EML6: variants seen among roughly 807,000 people sequenced by gnomAD.
The protein encoded by EML6 is EMAP like 6.
A neutral mutation model predicts 240.1 loss-of-function variants in EML6; 154 were observed. The ratio of observed to expected loss-of-function variants is 0.64; its 90% CI spans 0.56 to 0.73. The LOEUF (loss-of-function observed/expected upper bound fraction) is 0.73, where lower values mean the gene tolerates loss of function less well. Among genes scored for constraint, EML6 ranks in the 30% least tolerant of loss-of-function variants. The probability of loss-of-function intolerance (pLI) is 0.00; values close to 1 mark genes in which losing one functional copy is unlikely to be tolerated. For missense variants in EML6, 2,964 were observed against 2,474.6 expected (o/e 1.20, Z -4.20); for synonymous variants, 1,148 against 899.0 (o/e 1.28, Z -4.95).
chr2:54,911,694 C>T (rs1673650321), intron 25 of EML6, among the ~76,000 whole-genome samples: 1 of 152,180 alleles, frequency 6.6e-6, no homozygotes. Flanking sequence ...ACGTCAGCCT[C>T]CCAAAGTGCT....
At chr2:54,828,522 C>T (rs1044603311) in intron 6 of EML6, among the ~76,000 whole-genome samples, 1 of 152,208 alleles carries the variant, frequency 6.6e-6, no homozygotes, top group African/African-American at 2.4e-5. Context: ...AATTGATTCC[C>T]TATACCCTTA....
intron 2 of EML6, among the ~76,000 whole-genome samples, chr2:54,802,302 T>A (rs894794000): frequency 6.6e-5 from 10 of 151,652 alleles, no homozygotes; most frequent in African/African-American, 2.4e-4. Context: ...ACCTCGTACT[T>A]CTAAGAGTTT....
At chr2:54,837,094 C>T (rs545359665) in intron 7 of EML6, among the ~76,000 whole-genome samples, 1 of 152,176 alleles carries the variant, frequency 6.6e-6, no homozygotes, top group Non-Finnish European at 1.5e-5. Flanking sequence ...TCCTCTCTCT[C>T]TTGTTCTTAT....
intron 2 of EML6, among the ~76,000 whole-genome samples, chr2:54,778,451 T>C (rs1385720287): frequency 6.6e-6 from 1 of 152,148 alleles, no homozygotes; most frequent in African/African-American, 2.4e-5. Context: ...ATTCTGACCC[T>C]CAAAAGTCAG....
rs1669102185 is a variant in EML6 at position 54,786,556 on chromosome 2, C to T, written c.198-26676C>T. On this transcript the variant is annotated intron_variant, in intron 2 of 41. Coordinates refer to ENST00000356458, the MANE Select transcript of EML6 (RefSeq NM_001039753.4). ...TGTGGTGAAGGAAGAATCTCCTGTA[C>T]CCTTTCAGGGGACATAGCGGTATAG... Among the ~76,000 whole-genome samples the T allele has an allele frequency of 3.9e-5, 6 of 152,176 alleles. No homozygotes were observed. The South Asian group carries it at 1.2e-3, about 32-fold the overall frequency.
intron 10 of EML6, 78 bp from the exon 11 acceptor site, chr2:54,853,565 A>C: frequency 1.1e-6 from 1 of 952,088 alleles, no homozygotes; most frequent in African/African-American, 1.7e-5. Context: ...AAGTTTTCTT[A>C]AAGTTTCAGA....
chr2:54,955,289 C>A (rs1676179141), intron 32 of EML6, among the ~76,000 whole-genome samples: 1 of 152,136 alleles, frequency 6.6e-6, no homozygotes, highest in African/African-American at 2.4e-5. Flanking sequence ...AAATGATAGA[C>A]AGAGAGCATC....
Position 54,724,106 on chromosome 2 carries a change from TAGC to T in EML6, c.-514+330_-514+332del, listed in dbSNP as rs2104351132. 6.6e-6 allele frequency among the ~76,000 whole-genome samples: 1 copy of T among 152,272 alleles called. No individual in the cohort carries two copies. Among genetic ancestry groups the T allele is most frequent in the African/African-American group, 2.4e-5 (1 of 41,562 alleles). On this transcript the variant is annotated intron_variant, in intron 1 of 41. Transcript: ENST00000356458. This position sits in a 1 kb window ranked among gnomAD's most constrained non-coding sequence, Gnocchi z 5.2. ...CTCCTCGACCAGGAGCGTTTGTAGGTAGCGCACTCCCTCCGACTGCACTAGTGC... is the reference window on the plus strand; with the variant it reads ...CTCCTCGACCAGGAGCGTTTGTAGGTGCACTCCCTCCGACTGCACTAGTGC...
At chr2:54,745,238 G>A (rs1683861631) in intron 2 of EML6, among the ~76,000 whole-genome samples, 2 of 152,132 alleles carry the variant, frequency 1.3e-5, no homozygotes. Flanking sequence ...GTTAATCTTG[G>A]GACAGACTAT....
chr2:54,950,205 C>T (rs577125060), intron 29 of EML6, among the ~76,000 whole-genome samples: 9 of 152,316 alleles, frequency 5.9e-5, no homozygotes, highest in East Asian at 1.9e-4. Context: ...GGCAGCAGAA[C>T]GAGCATGGCC....
chr2:54,792,615 T>C (rs1040663726), intron 2 of EML6, among the ~76,000 whole-genome samples: 5 of 152,216 alleles, frequency 3.3e-5, no homozygotes, highest in Admixed American at 2.0e-4. Flanking sequence ...TGATCACAGA[T>C]GTTTCAAAAC....
rs1674332004 is a variant in EML6, at chr2:54,922,854, A to G, written c.3676-5459A>G. On this transcript the variant is annotated intron_variant, in intron 26 of 41. Transcript: ENST00000356458. Reference sequence around the variant, plus strand: ...TGGAAGCTAAAAAAGTTGAACTCACAGAAGTAGAGAGTAGAAGGGTGGTGG... The same window carrying G: ...TGGAAGCTAAAAAAGTTGAACTCACGGAAGTAGAGAGTAGAAGGGTGGTGG... 2.0e-5 allele frequency among the ~76,000 whole-genome samples: 3 copies of G among 152,032 alleles called. No individual in the cohort carries two copies. The South Asian group carries it at 6.2e-4, about 31-fold the overall frequency.
chr2:54,851,224 C>A (rs982969548), intron 10 of EML6, among the ~76,000 whole-genome samples: 1 of 151,992 alleles, frequency 6.6e-6, no homozygotes, highest in African/African-American at 2.4e-5. Context: ...ACCTGGCCAA[C>A]ATGGTGAAGT....
At chr2:54,752,656 T>G (rs975622778) in intron 2 of EML6, among the ~76,000 whole-genome samples, 3 of 152,264 alleles carry the variant, frequency 2.0e-5, no homozygotes, top group Admixed American at 6.5e-5. Flanking sequence ...TGTATAGTAT[T>G]CTACTGTGTG....
intron 2 of EML6, among the ~76,000 whole-genome samples, chr2:54,730,366 A>C (rs906829161): frequency 1.3e-5 from 2 of 152,246 alleles, no homozygotes; most frequent in African/African-American, 4.8e-5. Flanking sequence ...AAGCAAGTTC[A>C]CATGAAGGCC....
chr2:54,904,788 G>A (rs772955916), intron 24 of EML6, among the ~76,000 whole-genome samples: 1 of 152,160 alleles, frequency 6.6e-6, no homozygotes, highest in Admixed American at 6.5e-5. Context: ...TGAGCCTGGA[G>A]TTGGAGCAAT....
intron 22 of EML6, among the ~76,000 whole-genome samples, chr2:54,902,672 T>C (rs751744542): frequency 6.6e-6 from 1 of 152,242 alleles, no homozygotes; most frequent in Non-Finnish European, 1.5e-5. Context: ...GTGCTGGGAT[T>C]ACAGGCATAA....
At chr2:54,931,927 A>G (rs1674885420) in intron 28 of EML6, among the ~76,000 whole-genome samples, 3 of 152,250 alleles carry the variant, frequency 2.0e-5, no homozygotes, top group Admixed American at 2.0e-4. Context: ...TTATGCATCA[A>G]TTACTTTTGA....
intron 14 of EML6, 120 bp downstream of exon 14, chr2:54,867,004 C>G (rs911985405): frequency 2.2e-5 from 13 of 594,398 alleles, no homozygotes; most frequent in Admixed American, 5.8e-5. Context: ...CTGGCTAGCT[C>G]TTCTCTGCAA....
Sources: gnomAD v4.1 joint callset for allele counts (sites outside exome capture counted in the v4.1 genomes callset) on GRCh38, gnomAD v4.1.1 for gene constraint, Gnocchi (gnomAD v3.1) non-coding constraint, MANE v1.5 for transcripts, NCBI Gene and HGNC (gene_info 2026-07-23, HGNC 2026-07-21) for gene names.